The following PROSER1 variants were observed in gnomAD, a reference collection of about 807,000 sequenced individuals.
The protein encoded by PROSER1 is proline and serine-rich protein 1.
In PROSER1, 36 loss-of-function variants were observed where a neutral mutation model predicts 71.8. The ratio of observed to expected loss-of-function variants is 0.50; its 90% CI spans 0.38 to 0.66. PROSER1 has a LOEUF of 0.66. PROSER1 is among the 30% of genes least tolerant of loss of function. The pLI, the probability that PROSER1 is intolerant of heterozygous loss-of-function variation, is 0.00. For missense variants in PROSER1, 1,107 were observed against 1,135.0 expected (o/e 0.98, Z 0.35); for synonymous variants, 490 against 452.4 (o/e 1.08, Z -1.06).
Position 39,025,216 on chromosome 13 carries a change from C to T in PROSER1, c.481-660G>A, listed in dbSNP as rs117778953. On this transcript the variant is annotated intron_variant, in intron 6 of 12. Transcript: ENST00000352251. Reference sequence around the variant, plus strand: ...GATTAAGTGTGATTATTTATATTGTCAAGGGTAAATGAGACCTTATTCAAG... The same window carrying T: ...GATTAAGTGTGATTATTTATATTGTTAAGGGTAAATGAGACCTTATTCAAG... 1.2e-4 allele frequency among the ~76,000 whole-genome samples: 18 copies of T among 152,124 alleles called. No homozygotes were observed. In the East Asian group the frequency reaches 3.5e-3, roughly 29 times the overall value.
At chr13:39,023,232 C>T (rs780744440) in intron 7 of PROSER1, 102 bp from the exon 8 acceptor site, 7 of 820,088 alleles carry the variant, frequency 8.5e-6, no homozygotes, top group Non-Finnish European at 1.5e-5. Context: ...CTAAAAATGT[C>T]CCCGCATATC....
rs772584615 is a variant in PROSER1 at position 39,029,352 on chromosome 13, T to C, written c.204A>G (p.Thr68=). 2.7e-6 allele frequency: 4 copies of C among 1,490,344 alleles called. No homozygotes were observed. The highest frequency in any genetic ancestry group is 1.5e-5 in the South Asian group (1 of 66,918). 92.3% of individuals were successfully genotyped at this position (1,490,344 alleles called of 1,614,324 possible). A position where few individuals can be genotyped will look rare whatever the true frequency, so the allele number is the denominator to read the frequency against. The change falls in exon 4 of 13, where the codon ACA becomes ACG. Residue 68 remains threonine, a synonymous_variant. Transcript: ENST00000352251. The part of the protein sequence containing the change: ...LQHKMVAVQP[T]EVVNILNCFT... The stretch of plus-strand genomic sequence containing the variant: ...AACAGTTGAGTATATTGACCACTTC[T>C]GTTGGCTGGACAGCCACCATTTTCT...
In PROSER1 at chr13:39,026,407, A is replaced by AG; in HGVS notation, c.370-21dup. ...GAAAGCCTGTAATATAAGAAAGAAG[A>AG]GGGGTAGGAAAAAAATTCTTAAAAG... On this transcript the variant is annotated intron_variant, in intron 5 of 12. Coordinates refer to ENST00000352251, the MANE Select transcript of PROSER1 (RefSeq NM_025138.5). The AG allele has an allele frequency of 3.3e-6, 5 of 1,518,024 alleles. No homozygotes were observed. In the South Asian group the frequency reaches 5.9e-5, roughly 18 times the overall value. The allele number at this position is 1,518,024 out of a possible 1,614,324, so 94.0% of individuals were successfully genotyped here. A position where few individuals can be genotyped will look rare whatever the true frequency, so the allele number is the denominator to read the frequency against.
chr13:39,033,879 A>G (rs566603695), intron 2 of PROSER1, among the ~76,000 whole-genome samples: 42 of 152,328 alleles, frequency 2.8e-4, no homozygotes, highest in African/African-American at 9.9e-4. Context: ...CCAGAACCAT[A>G]AACACTTTGA....
chr13:39,031,322 T>C (rs1870832108), intron 3 of PROSER1, among the ~76,000 whole-genome samples: 2 of 152,244 alleles, frequency 1.3e-5, no homozygotes, highest in South Asian at 2.1e-4. Flanking sequence ...TCAAATCCTA[T>C]ATTTTGCTTG....
At position 39,012,678 on chromosome 13, in the gene PROSER1, A is replaced by G; in HGVS notation, c.2561+13T>C. The G allele has an allele frequency of 1.3e-6, 2 of 1,520,964 alleles. No homozygotes were observed. The highest frequency in any genetic ancestry group is 1.8e-6 in the Non-Finnish European group (2 of 1,131,244). 94.2% of individuals were successfully genotyped at this position (1,520,964 alleles called of 1,614,324 possible). A position where few individuals can be genotyped will look rare whatever the true frequency, so the allele number is the denominator to read the frequency against. ...AAGAATAATTTTATCCTATTTCCAA[A>G]CTATCCACATACCCGGCTTGTGCAA... On this transcript the variant is annotated intron_variant, in intron 11 of 12. Coordinates refer to ENST00000352251, the MANE Select transcript of PROSER1 (RefSeq NM_025138.5).
intron 7 of PROSER1, 167 bp from the exon 8 acceptor site, chr13:39,023,297 A>G: frequency 9.1e-6 from 5 of 550,030 alleles, no homozygotes; most frequent in Middle Eastern, 6.0e-4. Context: ...GCTTTAATAA[A>G]TGTGGTTGCT....
chr13:39,014,318 C>T lies in PROSER1; in HGVS notation c.934G>A (p.Val312Ile). The change falls in exon 11 of 13, where the codon GTC becomes ATC. Residue 312 changes from valine to isoleucine, a missense_variant. Coordinates refer to ENST00000352251, the MANE Select transcript of PROSER1 (RefSeq NM_025138.5). ...ACCTGCCCTGGGAACACAGGAAGGACAGTATTCAGCAGGTTCATTCCAGAA... is the reference window on the plus strand; with the variant it reads ...ACCTGCCCTGGGAACACAGGAAGGATAGTATTCAGCAGGTTCATTCCAGAA... ...TVSGMNLLNT[V>I]LPVFPGQVSS... 1.2e-6 allele frequency: 2 copies of T among 1,614,014 alleles called. No homozygotes were observed. Among genetic ancestry groups the T allele is most frequent in the Non-Finnish European group, 1.7e-6 (2 of 1,180,004 alleles).
chr13:39,031,191 G>A (rs1870824487), intron 3 of PROSER1, among the ~76,000 whole-genome samples: 1 of 152,182 alleles, frequency 6.6e-6, no homozygotes, highest in Admixed American at 6.5e-5. Context: ...GGACAGTGCT[G>A]ATATAAAAAT....
Position 39,029,295 on chromosome 13 carries a change from A to C in PROSER1, c.261T>G (p.Leu87=). The change falls in exon 4 of 13, where the codon CTT becomes CTG. Residue 87 remains leucine (L), a synonymous_variant. Transcript: ENST00000352251. ...FTFSKDKLVA[L]ELLASNIIDA... is the part of the protein sequence containing the mutation. ...GAAATACTTACGAGGCTAACAGTTC[A>C]AGAGCAACTAGTTTGTCTTTACTGA... 1 of 1,525,940 alleles carries C rather than the reference A, an allele frequency of 6.6e-7. No individual in the cohort carries two copies. Among genetic ancestry groups the C allele is most frequent in the East Asian group, 2.4e-5 (1 of 41,426 alleles). 94.5% of individuals were successfully genotyped at this position (1,525,940 alleles called of 1,614,324 possible). A position where few individuals can be genotyped will look rare whatever the true frequency, so the allele number is the denominator to read the frequency against.
At chr13:39,031,009 C>T (rs966373132) in intron 3 of PROSER1, among the ~76,000 whole-genome samples, 7 of 152,080 alleles carry the variant, frequency 4.6e-5, no homozygotes, top group African/African-American at 1.7e-4. Flanking sequence ...CAAAAATCTT[C>T]CTACACAGCC....
chr13:39,011,138 C>T lies in PROSER1; in HGVS notation c.*227G>A, dbSNP rs1220471359. 1 of 479,156 alleles carries T rather than the reference C, an allele frequency of 2.1e-6. No individual in the cohort carries two copies. Among genetic ancestry groups the T allele is most frequent in the Admixed American group, 3.6e-5 (1 of 27,792 alleles). The allele number at this position is 479,156 out of a possible 1,614,324, so 29.7% of individuals were successfully genotyped here. A position where few individuals can be genotyped will look rare whatever the true frequency, so the allele number is the denominator to read the frequency against. ...AGGACAGGTGAAAAGTCTCCAAACACTTTTTAAATACCATTCTCCATACAA... is the reference window on the plus strand; with the variant it reads ...AGGACAGGTGAAAAGTCTCCAAACATTTTTTAAATACCATTCTCCATACAA... On this transcript the variant is annotated 3_prime_UTR_variant, in exon 13 of 13. Coordinates refer to ENST00000352251, the MANE Select transcript of PROSER1 (RefSeq NM_025138.5).
chr13:39,017,550 T>A lies in PROSER1; in HGVS notation c.731-6A>T. Reference sequence around the variant, plus strand: ...ATTCGAAAGGTCTTCATTCTCTATATAAAAATAAATAAAAGTTCATTTTAA... The same window carrying A: ...ATTCGAAAGGTCTTCATTCTCTATAAAAAAATAAATAAAAGTTCATTTTAA... On this transcript the variant is annotated splice_region_variant and splice_polypyrimidine_tract_variant and intron_variant, in intron 9 of 12. Coordinates refer to ENST00000352251, the MANE Select transcript of PROSER1 (RefSeq NM_025138.5). The A allele has an allele frequency of 7.2e-7, 1 of 1,382,196 alleles. No individual in the cohort carries two copies. The highest frequency in any genetic ancestry group is 1.0e-6 in the Non-Finnish European group (1 of 998,884). The allele number at this position is 1,382,196 out of a possible 1,614,324, so 85.6% of individuals were successfully genotyped here.
chr13:39,037,698 G>A lies in PROSER1; in HGVS notation c.-456C>T, dbSNP rs1208592015. ...AGAGTCCACGGGCGGCGGGGAGGGA[G>A]GCGCCGGTCTCTCGACCCGCACCTG... On this transcript the variant is annotated 5_prime_UTR_variant, in exon 1 of 13. Transcript: ENST00000352251. 1 of 153,160 alleles carries A rather than the reference G, an allele frequency of 6.5e-6. No individual in the cohort carries two copies. Among genetic ancestry groups the A allele is most frequent in the African/African-American group, 2.4e-5 (1 of 41,464 alleles). 9.5% of individuals were successfully genotyped at this position (153,160 alleles called of 1,614,324 possible). A position where few individuals can be genotyped will look rare whatever the true frequency, so the allele number is the denominator to read the frequency against.
chr13:39,023,069 T>C lies in PROSER1; in HGVS notation c.626A>G (p.His209Arg). ...CTCCTTACTTGGTGCAATAGTTGCA[T>C]GTGGTCGGCATGGAGGTATCGGATA... The part of the protein sequence containing the change: ...VPYPIPPCRP[H>R]ATIAPSAYNN... The change falls in exon 8 of 13, where the codon CAT becomes CGT. Residue 209 changes from histidine (H) to arginine (R), a missense_variant. His to Arg is a conservative substitution (Grantham distance 29). Transcript: ENST00000352251. 6 of 1,612,744 alleles carry C rather than the reference T, an allele frequency of 3.7e-6. No homozygotes were observed. The highest frequency in any genetic ancestry group is 5.1e-6 in the Non-Finnish European group (6 of 1,178,928).
chr13:39,019,936 G>A (rs1325514612), intron 9 of PROSER1, among the ~76,000 whole-genome samples: 2 of 151,478 alleles, frequency 1.3e-5, no homozygotes, highest in East Asian at 3.9e-4. Context: ...TAAAGGTACA[G>A]GCAAAATATT....
rs1021963931 is a variant in PROSER1 at position 39,022,394 on chromosome 13, C to G, written c.662G>C (p.Gly221Ala). 6.2e-7 allele frequency: 1 copy of G among 1,612,180 alleles called. No homozygotes were observed. ...TATGACATTCGCTAATGGTACCAGA[C>G]CTGCATTGTTATAAGCACCTAAAAT... ...TIAPSAYNNA[G>A]LVPLANVIAP... Residue 221 changes from glycine to alanine, a missense_variant, in exon 9 of 13, where the codon GGT becomes GCT. Coordinates refer to ENST00000352251, the MANE Select transcript of PROSER1 (RefSeq NM_025138.5).
chr13:39,022,431 AG>A lies in PROSER1; in HGVS notation c.644-20del. On this transcript the variant is annotated intron_variant, in intron 8 of 12. Transcript: ENST00000352251. ...TAAGCACCTAAAATAAAAACACAAT[AG>A]AAAAAAATATACCTTAGGACTGTTC... is the stretch of plus-strand genomic sequence containing the variant. 6.5e-7 allele frequency: 1 copy of A among 1,549,944 alleles called. No homozygotes were observed. The highest frequency in any genetic ancestry group is 8.9e-7 in the Non-Finnish European group (1 of 1,121,692).
chr13:39,031,688 GAT>G (rs1264675501), intron 2 of PROSER1, 57 bp from the exon 3 acceptor site: 1 of 1,454,910 alleles, frequency 6.9e-7, no homozygotes, highest in African/African-American at 1.4e-5. Context: ...ATTTCTATAA[GAT>G]TTCAGTACTT....
Sources: allele counts gnomAD v4.1 joint callset (sites outside exome capture counted in the v4.1 genomes callset), GRCh38; gene constraint gnomAD v4.1.1; transcripts MANE v1.5; gene names NCBI Gene and HGNC (gene_info 2026-07-23, HGNC 2026-07-21).